The following LRRK1 variants were observed in gnomAD, a reference collection of about 807,000 sequenced individuals.
The protein encoded by LRRK1 is leucine rich repeat kinase 1.
In LRRK1, 113 loss-of-function variants were observed where a neutral mutation model predicts 209.1. The ratio of observed to expected loss-of-function variants is 0.54; its 90% CI spans 0.46 to 0.63. The LOEUF (loss-of-function observed/expected upper bound fraction) is 0.63, where lower values mean the gene tolerates loss of function less well. LRRK1 is among the 30% of genes least tolerant of loss of function. The probability of loss-of-function intolerance (pLI) is 0.00; values close to 1 mark genes in which losing one functional copy is unlikely to be tolerated. For synonymous variants in LRRK1, 1,144 were observed against 1,099.7 expected (o/e 1.04, Z -0.80); for missense variants, 2,284 against 2,632.2 (o/e 0.87, Z 2.89).
At chr15:100,957,240 G>A (rs923435961) in intron 2 of LRRK1, among the ~76,000 whole-genome samples, 1 of 152,090 alleles carries the variant, frequency 6.6e-6, no homozygotes, top group South Asian at 2.1e-4. Flanking sequence ...AATGTCCCAC[G>A]TGTGCTTGAG....
At chr15:100,989,572 T>A in intron 6 of LRRK1, 174 bp downstream of exon 6, 1 of 654,964 alleles carries the variant, frequency 1.5e-6, no homozygotes, top group Non-Finnish European at 2.6e-6. Flanking sequence ...TGCAGTGATA[T>A]GAAGGTGGAG....
chr15:100,964,821 C>A (rs11853418), intron 2 of LRRK1, among the ~76,000 whole-genome samples: 106,338 of 151,436 alleles, frequency 0.7, 37,644 homozygotes, highest in Middle Eastern at 0.76. Flanking sequence ...CGCACACACA[C>A]ATGAGGCCAA....
rs2037022794 is a variant in LRRK1 at position 101,077,428 on chromosome 15, C to T, written c.*8580C>T. The T allele has an allele frequency of 6.6e-6, 1 of 152,232 alleles. No individual in the cohort carries two copies. Among genetic ancestry groups the T allele is most frequent in the Non-Finnish European group, 1.5e-5 (1 of 68,040 alleles). The allele number at this position is 152,232 out of a possible 1,614,324, so 9.4% of individuals were successfully genotyped here. On this transcript the variant is annotated 3_prime_UTR_variant, in exon 34 of 34. Transcript: ENST00000388948. Reference sequence around the variant, plus strand: ...GCTATCCCCAAACCGCCACTCTGAACTCTTAAATACATAATCTTTGCTGGC... The same window carrying T: ...GCTATCCCCAAACCGCCACTCTGAATTCTTAAATACATAATCTTTGCTGGC...
chr15:100,961,732 T>C (rs1368618351), intron 2 of LRRK1, among the ~76,000 whole-genome samples: 2 of 149,878 alleles, frequency 1.3e-5, no homozygotes, highest in African/African-American at 4.9e-5. Flanking sequence ...GTGCTGGGGG[T>C]CCAAATCTCA....
intron 2 of LRRK1, among the ~76,000 whole-genome samples, chr15:100,965,269 A>G (rs1192041062): frequency 1.3e-5 from 2 of 152,252 alleles, no homozygotes; most frequent in Non-Finnish European, 1.5e-5. Context: ...ATTGGCAGCT[A>G]AAATCACTTC....
intron 2 of LRRK1, among the ~76,000 whole-genome samples, chr15:100,954,827 C>T (rs541632207): frequency 6.6e-6 from 1 of 152,260 alleles, no homozygotes; most frequent in South Asian, 2.1e-4. Context: ...TTTCTGGACT[C>T]TCCATTCTGT....
At chr15:101,015,178 C>A in intron 11 of LRRK1, 148 bp from the exon 12 acceptor site, 1 of 598,874 alleles carries the variant, frequency 1.7e-6, no homozygotes, top group South Asian at 2.1e-5. Context: ...AAAAGGCAGC[C>A]GCCACTGCAG....
At chr15:101,053,616 G>A (rs2035614137) in intron 26 of LRRK1, among the ~76,000 whole-genome samples, 196 bp downstream of exon 26, 1 of 152,202 alleles carries the variant, frequency 6.6e-6, no homozygotes, top group South Asian at 2.1e-4. Context: ...CCTTGGCGAG[G>A]ACGGGGGAGC....
Position 101,010,578 on chromosome 15 carries a change from G to T in LRRK1, c.1117+1G>T, listed in dbSNP as rs2141693614. On this transcript the variant is annotated splice_donor_variant, in intron 8 of 33. Coordinates refer to ENST00000388948, the MANE Select transcript of LRRK1 (RefSeq NM_024652.6). LOFTEE classifies it high-confidence loss of function. Reference sequence around the variant, plus strand: ...GAAAAATTGTTCGAAGAAGAAAATGGTATGTTTTCTCATCAACTTGAGTGA... The same window carrying T: ...GAAAAATTGTTCGAAGAAGAAAATGTTATGTTTTCTCATCAACTTGAGTGA... 6.2e-7 allele frequency: 1 copy of T among 1,610,720 alleles called. No individual in the cohort carries two copies. Among genetic ancestry groups the T allele is most frequent in the Non-Finnish European group, 8.5e-7 (1 of 1,179,250 alleles).
chr15:100,941,703 C>G (rs1174944633), intron 2 of LRRK1, among the ~76,000 whole-genome samples: 1 of 152,148 alleles, frequency 6.6e-6, no homozygotes, highest in African/African-American at 2.4e-5. Flanking sequence ...AAGAGGAGGG[C>G]CAGGGGACTG....
intron 16 of LRRK1, 136 bp from the exon 17 acceptor site, chr15:101,025,829 G>T (rs930876244): frequency 2.3e-6 from 2 of 853,004 alleles, no homozygotes; most frequent in Admixed American, 4.9e-5. Context: ...CATCCAAACC[G>T]TCTCAAGGCT....
chr15:101,002,706 A>C (rs2032756445), intron 6 of LRRK1, among the ~76,000 whole-genome samples: 1 of 152,132 alleles, frequency 6.6e-6, no homozygotes, highest in African/African-American at 2.4e-5. Flanking sequence ...GTTAGGTTTT[A>C]ATGTCAAGTG....
At chr15:100,959,810 G>A (rs1395419989) in intron 2 of LRRK1, among the ~76,000 whole-genome samples, 1 of 152,120 alleles carries the variant, frequency 6.6e-6, no homozygotes, top group Non-Finnish European at 1.5e-5. Context: ...AAATAGCACA[G>A]CTGGGGCTTG....
At chr15:101,063,003 G>A (rs1010993492) in intron 31 of LRRK1, among the ~76,000 whole-genome samples, 15 of 152,168 alleles carry the variant, frequency 9.9e-5, no homozygotes, top group Non-Finnish European at 2.1e-4. Flanking sequence ...TCATGCGTGT[G>A]CCCTTCCCCT....
At chr15:100,936,094 GAGC>G (rs1162414738) in intron 2 of LRRK1, among the ~76,000 whole-genome samples, 1 of 152,214 alleles carries the variant, frequency 6.6e-6, no homozygotes, top group Non-Finnish European at 1.5e-5. Flanking sequence ...CTGGTGAGAG[GAGC>G]AGGCTTTGAT....
intron 2 of LRRK1, among the ~76,000 whole-genome samples, chr15:100,941,474 G>C (rs1424069206): frequency 9.0e-5 from 13 of 144,970 alleles, no homozygotes; most frequent in African/African-American, 1.8e-4. Flanking sequence ...CTGTGTGTGT[G>C]TGTGTGTGTG....
intron 27 of LRRK1, 90 bp downstream of exon 27, chr15:101,055,313 G>A (rs571649245): frequency 1.0e-4 from 129 of 1,271,102 alleles, no homozygotes; most frequent in African/African-American, 8.6e-4. Context: ...CTGAAGCTTC[G>A]GGGCTCAGCA....
intron 4 of LRRK1, among the ~76,000 whole-genome samples, chr15:100,984,247 T>C (rs1195960940): frequency 1.3e-5 from 2 of 152,204 alleles, no homozygotes; most frequent in African/African-American, 4.8e-5. Context: ...TCCACATGGT[T>C]TTCCCTATAA....
intron 20 of LRRK1, among the ~76,000 whole-genome samples, chr15:101,039,390 T>C (rs535992325): frequency 1.3e-5 from 2 of 152,226 alleles, no homozygotes; most frequent in African/African-American, 4.8e-5. Flanking sequence ...ATCTTCTAAT[T>C]TGATTTCCAT....
Sources: gnomAD v4.1 joint callset for allele counts (sites outside exome capture counted in the v4.1 genomes callset) on GRCh38, gnomAD v4.1.1 for gene constraint, MANE v1.5 for transcripts, NCBI Gene and HGNC (gene_info 2026-07-23, HGNC 2026-07-21) for gene names.